The following ZCWPW1 variants were observed in gnomAD, a reference collection of about 807,000 sequenced individuals.
ZCWPW1 encodes the protein zinc finger CW-type PWWP domain protein 1.
In ZCWPW1, 56 loss-of-function variants were observed where a neutral mutation model predicts 81.3. The observed-to-expected ratio is 0.69, with a 90% confidence interval of 0.56 to 0.86. The LOEUF is 0.86. ZCWPW1 is among the 40% of genes least tolerant of loss of function. The pLI is 0.00. For synonymous variants in ZCWPW1, 250 were observed against 273.7 expected (o/e 0.91, Z 0.86); for missense variants, 650 against 769.8 (o/e 0.84, Z 1.84).
intron 6 of ZCWPW1, 24 bp from the exon 7 acceptor site, chr7:100,416,480 T>C (rs761596392): frequency 2.5e-6 from 4 of 1,610,874 alleles, no homozygotes; most frequent in South Asian, 1.1e-5. Flanking sequence ...TTTATTTTAA[T>C]GAAAGGTAAA....
At position 100,401,350 on chromosome 7, in the gene ZCWPW1, T is replaced by C. The variant is rs1170652693; in HGVS notation, c.1628-14A>G. ...TTTTCTTAGGGCCTAAATGAGAAGG[T>C]GACAAAGCCAAGAGTCCTATTAGGT... On this transcript the variant is annotated splice_polypyrimidine_tract_variant and intron_variant, in intron 17 of 17. Coordinates refer to ENST00000684423, the MANE Select transcript of ZCWPW1 (RefSeq NM_001386010.1). 6.6e-7 allele frequency: 1 copy of C among 1,524,872 alleles called. No individual in the cohort carries two copies. The highest frequency in any genetic ancestry group is 1.3e-5 in the South Asian group (1 of 75,066). The allele number at this position is 1,524,872 out of a possible 1,614,324, so 94.5% of individuals were successfully genotyped here. A position where few individuals can be genotyped will look rare whatever the true frequency, so the allele number is the denominator to read the frequency against.
intron 8 of ZCWPW1, among the ~76,000 whole-genome samples, chr7:100,411,692 TAGG>T (rs1254232865): frequency 6.6e-6 from 1 of 151,556 alleles, no homozygotes; most frequent in Non-Finnish European, 1.5e-5. Flanking sequence ...AAAAAAAGAG[TAGG>T]AGGAGAGGCC....
At position 100,408,659 on chromosome 7, in the gene ZCWPW1, T is replaced by A; in HGVS notation, c.872A>T (p.Asp291Val). The change falls in exon 10 of 18, where the codon GAT (aspartate) becomes GTT (valine). Residue 291 changes from aspartate (D) to valine (V), a missense_variant and splice_region_variant. Physicochemically the swap from Asp to Val is radical, Grantham distance 152. Transcript: ENST00000684423. ...AATATCACAGCGATTATACTGCACA[T>A]CTGCTGAAAGAGAGAAGGAATGAAG... ...PDNWSCDQNT[D>V]VQYNRCDIPE... is the part of the protein sequence containing the mutation. 1 of 1,612,730 alleles carries A rather than the reference T, an allele frequency of 6.2e-7. No individual in the cohort carries two copies. Among genetic ancestry groups the A allele is most frequent in the South Asian group, 1.1e-5 (1 of 90,918 alleles).
chr7:100,401,194 G>A lies in ZCWPW1; in HGVS notation c.1770C>T (p.Pro590=). 5.6e-6 allele frequency: 9 copies of A among 1,614,230 alleles called. No homozygotes were observed. The highest frequency in any genetic ancestry group is 7.6e-6 in the Non-Finnish European group (9 of 1,180,040). ...GACPSSAKEE[P]RHREPLTQEA... is the part of the protein sequence containing the mutation. ...CCTGGGTCAGGGGTTCCCGGTGTCT[G>A]GGCTCTTCTTTCGCAGATGAGGGGC... Residue 590 remains proline (P), a synonymous_variant, in exon 18 of 18, where the codon CCC becomes CCT. Coordinates refer to ENST00000684423, the MANE Select transcript of ZCWPW1 (RefSeq NM_001386010.1).
At chr7:100,427,357 G>A (rs1261807095) in intron 1 of ZCWPW1, among the ~76,000 whole-genome samples, 1 of 150,786 alleles carries the variant, frequency 6.6e-6, no homozygotes, top group Non-Finnish European at 1.5e-5. Context: ...TAAGTCAGGA[G>A]TTCGGGACCA....
chr7:100,408,603 C>G lies in ZCWPW1; in HGVS notation c.928G>C (p.Asp310His), dbSNP rs781499209. ...PEETWTGLES[D>H]VAYASYIPGS... ...GGGATGTAGGAGGCATAGGCCACAT[C>G]ACTCTCAAGCCCTGTCCAGGTCTCC... Residue 310 changes from aspartate to histidine, a missense_variant, in exon 10 of 18, where the codon GAT (aspartate) becomes CAT (histidine). Transcript: ENST00000684423. 15 of 1,614,092 alleles carry G rather than the reference C, an allele frequency of 9.3e-6. No homozygotes were observed. In the South Asian group the frequency reaches 1.6e-4, roughly 18 times the overall value.
Position 100,420,630 on chromosome 7 carries a change from T to C in ZCWPW1, c.20A>G (p.Asn7Ser). 6.2e-7 allele frequency: 1 copy of C among 1,614,152 alleles called. No individual in the cohort carries two copies. The highest frequency in any genetic ancestry group is 8.5e-7 in the Non-Finnish European group (1 of 1,180,028). The change falls in exon 3 of 18, where the codon AAT becomes AGT. Residue 7 changes from asparagine (N) to serine (S), a missense_variant. Physicochemically the swap from Asn to Ser is conservative, Grantham distance 46. Transcript: ENST00000684423. ...CCTCACTCTTGACTCACCTTCTTTA[T>C]TCTGCAACGTTGTCATCATTCAGCT... is the stretch of plus-strand genomic sequence containing the variant. MMTTLQ[N>S]KEECGKGPKR... is the part of the protein sequence containing the mutation.
chr7:100,416,262 T>A (rs1442116571), intron 7 of ZCWPW1, 43 bp downstream of exon 7: 1 of 1,605,610 alleles, frequency 6.2e-7, no homozygotes, highest in Non-Finnish European at 8.5e-7. Context: ...TTCCTGGAGC[T>A]AGTACTTGAG....
At chr7:100,427,823 C>G (rs940033495) in intron 1 of ZCWPW1, among the ~76,000 whole-genome samples, 1 of 151,754 alleles carries the variant, frequency 6.6e-6, no homozygotes, top group African/African-American at 2.4e-5. Context: ...ACCCCTTATT[C>G]TCTCTCAGGG....
chr7:100,423,127 TA>T (rs1214529516), intron 2 of ZCWPW1, among the ~76,000 whole-genome samples: 13 of 151,910 alleles, frequency 8.6e-5, no homozygotes, highest in African/African-American at 1.2e-4. Context: ...TTTCTACAGA[TA>T]AAAAAAATAT....
Position 100,417,867 on chromosome 7 carries a change from T to G in ZCWPW1, c.362-684A>C, listed in dbSNP as rs117789051. 4.2e-3 allele frequency among the ~76,000 whole-genome samples: 632 copies of G among 151,404 alleles called. 8 individuals carry two copies. The highest frequency in any genetic ancestry group is 0.031 in the Middle Eastern group (9 of 294). On this transcript the variant is annotated intron_variant, in intron 5 of 17. Coordinates refer to ENST00000684423, the MANE Select transcript of ZCWPW1 (RefSeq NM_001386010.1). The stretch of plus-strand genomic sequence containing the variant: ...AAAGCCTTCATAGAGGTTTTTGGTT[T>G]TTTGGTTTTTGGTTTTTGTTTTTTG...
At chr7:100,410,678 C>G (rs954621463) in intron 8 of ZCWPW1, among the ~76,000 whole-genome samples, 4 of 152,232 alleles carry the variant, frequency 2.6e-5, no homozygotes, top group African/African-American at 9.7e-5. Flanking sequence ...CCCACTCCCA[C>G]TCCTGCATGC....
At chr7:100,402,360 G>T (rs760206013) in intron 16 of ZCWPW1, 156 bp downstream of exon 16, 4 of 915,458 alleles carry the variant, frequency 4.4e-6, no homozygotes, top group East Asian at 4.8e-5. Context: ...AAGCAAAGGG[G>T]TTCCAGCTCC....
Position 100,401,352 on chromosome 7 carries a change from A to G in ZCWPW1, c.1628-16T>C, listed in dbSNP as rs1424194512. On this transcript the variant is annotated splice_polypyrimidine_tract_variant and intron_variant, in intron 17 of 17. Coordinates refer to ENST00000684423, the MANE Select transcript of ZCWPW1 (RefSeq NM_001386010.1). Reference sequence around the variant, plus strand: ...TTCTTAGGGCCTAAATGAGAAGGTGACAAAGCCAAGAGTCCTATTAGGTCA... The same window carrying G: ...TTCTTAGGGCCTAAATGAGAAGGTGGCAAAGCCAAGAGTCCTATTAGGTCA... 2.0e-6 allele frequency: 3 copies of G among 1,523,534 alleles called. No individual in the cohort carries two copies. The African/African-American group carries it at 4.2e-5, about 21-fold the overall frequency. 94.4% of individuals were successfully genotyped at this position (1,523,534 alleles called of 1,614,324 possible).
chr7:100,427,502 C>G (rs945841551), intron 1 of ZCWPW1, among the ~76,000 whole-genome samples: 3 of 151,776 alleles, frequency 2.0e-5, no homozygotes, highest in Non-Finnish European at 2.9e-5. Context: ...GAGTTCGAGA[C>G]CAGCCTGGCC....
At chr7:100,428,306 C>A (rs930049463) in intron 1 of ZCWPW1, among the ~76,000 whole-genome samples, 2 of 152,228 alleles carry the variant, frequency 1.3e-5, no homozygotes, top group South Asian at 2.1e-4. Context: ...GCGGTGCGCT[C>A]GCGGGGCCGA....
intron 1 of ZCWPW1, among the ~76,000 whole-genome samples, chr7:100,428,226 C>A (rs1033245057): frequency 2.0e-5 from 3 of 152,194 alleles, no homozygotes; most frequent in Non-Finnish European, 4.4e-5. Context: ...AAGCCCCTCA[C>A]ACCTCAACCC....
rs764038372 is a variant in ZCWPW1, at chr7:100,402,051, A to G, written c.1475-10T>C. ...GCATCACCCCCAAGCCCTAGCCGTG[A>G]GGGAAATGCGTTTATTTCTCTCTAA... On this transcript the variant is annotated splice_polypyrimidine_tract_variant and intron_variant, in intron 16 of 17. Coordinates refer to ENST00000684423, the MANE Select transcript of ZCWPW1 (RefSeq NM_001386010.1). The G allele has an allele frequency of 5.6e-6, 9 of 1,597,418 alleles. No individual in the cohort carries two copies. The South Asian group carries it at 9.0e-5, about 16-fold the overall frequency.
chr7:100,425,236 G>A (rs1210386163), intron 1 of ZCWPW1, 100 bp from the exon 2 acceptor site: 4 of 152,130 alleles, frequency 2.6e-5, no homozygotes, highest in Non-Finnish European at 5.9e-5. Context: ...AGGGGCTGTA[G>A]ACCCAGGAAT....
Sources: gnomAD v4.1 joint callset for allele counts (sites outside exome capture counted in the v4.1 genomes callset) on GRCh38, gnomAD v4.1.1 for gene constraint, MANE v1.5 for transcripts, NCBI Gene and HGNC (gene_info 2026-07-23, HGNC 2026-07-21) for gene names.